The following TSPAN18 variants were observed in gnomAD, a reference collection of about 807,000 sequenced individuals.
TSPAN18 encodes tetraspanin-18.
Under a neutral mutation model 27.3 loss-of-function variants are expected in TSPAN18, and 14 were observed. The observed-to-expected ratio is 0.51, with a 90% confidence interval of 0.34 to 0.80. The LOEUF (loss-of-function observed/expected upper bound fraction) is 0.80, where lower values mean the gene tolerates loss of function less well. Ranked by LOEUF, TSPAN18 falls within the 30% of genes least tolerant of loss-of-function variation. The probability of loss-of-function intolerance (pLI) is 0.01; values close to 1 mark genes in which losing one functional copy is unlikely to be tolerated. For missense variants in TSPAN18, 268 were observed against 323.9 expected (o/e 0.83, Z 1.32); for synonymous variants, 143 against 136.5 (o/e 1.05, Z -0.33).
intron 1 of TSPAN18, among the ~76,000 whole-genome samples, chr11:44,761,570 C>A (rs1388514662): frequency 6.6e-6 from 1 of 152,202 alleles, no homozygotes; most frequent in Non-Finnish European, 1.5e-5. Context: ...AGGCAAAATT[C>A]CACCGAAGAC....
chr11:44,810,684 C>G (rs112632813), intron 2 of TSPAN18, among the ~76,000 whole-genome samples: 14 of 151,142 alleles, frequency 9.3e-5, no homozygotes, highest in African/African-American at 3.2e-4. Context: ...TTATGGCTCA[C>G]TGTAACCTCC....
At chr11:44,841,987 A>T (rs375365221) in intron 2 of TSPAN18, among the ~76,000 whole-genome samples, 17 of 152,376 alleles carry the variant, frequency 1.1e-4, no homozygotes, top group African/African-American at 4.1e-4. Context: ...GGATCTCTAA[A>T]TCTGATCTAG....
At chr11:44,916,736 G>T (rs998734081) in intron 5 of TSPAN18, among the ~76,000 whole-genome samples, 1 of 152,152 alleles carries the variant, frequency 6.6e-6, no homozygotes, top group Non-Finnish European at 1.5e-5. Flanking sequence ...TCGGGGGCAG[G>T]CAGGCAGGCA....
chr11:44,866,213 C>T (rs999413667), intron 3 of TSPAN18, among the ~76,000 whole-genome samples: 8 of 152,250 alleles, frequency 5.3e-5, no homozygotes, highest in African/African-American at 1.9e-4. Context: ...AGCACATCAT[C>T]GGTGCTAAAT....
intron 3 of TSPAN18, among the ~76,000 whole-genome samples, chr11:44,899,903 G>A (rs11038191): frequency 0.074 from 11,227 of 152,234 alleles, 593 homozygotes; most frequent in South Asian, 0.12. Flanking sequence ...TGGCCCCAGG[G>A]AGGGCATCAT....
chr11:44,863,136 G>GGGTTC (rs1170104929), intron 3 of TSPAN18, among the ~76,000 whole-genome samples: 1 of 152,224 alleles, frequency 6.6e-6, no homozygotes, highest in Non-Finnish European at 1.5e-5. Flanking sequence ...AGGCCAGAAG[G>GGGTTC]AGATGTTACT....
chr11:44,738,357 G>A (rs562243666), intron 1 of TSPAN18, among the ~76,000 whole-genome samples: 84 of 152,212 alleles, frequency 5.5e-4, no homozygotes, highest in African/African-American at 1.9e-3. Flanking sequence ...GAGCCCACCT[G>A]GCTGGAGCCC....
At chr11:44,918,416 C>G (rs1177184580) in intron 6 of TSPAN18, among the ~76,000 whole-genome samples, 2 of 152,160 alleles carry the variant, frequency 1.3e-5, no homozygotes, top group South Asian at 2.1e-4. Flanking sequence ...GAGGCCCTGG[C>G]TGGTATCCTC....
chr11:44,790,203 CTGTG>C (rs984228135), intron 2 of TSPAN18, among the ~76,000 whole-genome samples: 4 of 107,852 alleles, frequency 3.7e-5, no homozygotes, highest in African/African-American at 1.3e-4. Flanking sequence ...GTGCATGTGT[CTGTG>C]TGTGCATGTT....
chr11:44,889,208 G>T (rs745619374), intron 3 of TSPAN18, among the ~76,000 whole-genome samples: 32 of 152,224 alleles, frequency 2.1e-4, no homozygotes, highest in Non-Finnish European at 2.2e-4. Context: ...GGTCCTGGGG[G>T]CACCCCCTTA....
intron 2 of TSPAN18, among the ~76,000 whole-genome samples, chr11:44,859,098 C>T (rs918608833): frequency 1.3e-5 from 2 of 151,942 alleles, no homozygotes; most frequent in African/African-American, 2.4e-5. Context: ...GTAAGGAGAT[C>T]CTTAGGCAAA....
At chr11:44,789,936 C>G (rs1249721803) in intron 2 of TSPAN18, among the ~76,000 whole-genome samples, 1 of 152,212 alleles carries the variant, frequency 6.6e-6, no homozygotes, top group Non-Finnish European at 1.5e-5. Flanking sequence ...TTCTCCAATG[C>G]CTGTGCCCCT....
rs147627680 is a variant in TSPAN18, at chr11:44,924,590, T to C, written c.616-2084T>C. On this transcript the variant is annotated intron_variant, in intron 8 of 9. Transcript: ENST00000520358. ...TATGTCCCTGTGGCTGGCAGGCACG[T>C]GGAACACTGAGGGGATGATGGGAGG... Among the ~76,000 whole-genome samples, 261 of 152,248 alleles carry C rather than the reference T, an allele frequency of 1.7e-3. 1 individual carries two copies. The highest frequency in any genetic ancestry group is 6.0e-3 in the African/African-American group (248 of 41,542).
intron 2 of TSPAN18, among the ~76,000 whole-genome samples, chr11:44,795,063 C>T (rs1856317015): frequency 6.6e-6 from 1 of 152,008 alleles, no homozygotes; most frequent in South Asian, 2.1e-4. Context: ...CCATTTCTGC[C>T]ATTGGAACCC....
chr11:44,807,232 AAAAAG>A (rs1169535483), intron 2 of TSPAN18, among the ~76,000 whole-genome samples: 6 of 21,490 alleles, frequency 2.8e-4, no homozygotes, highest in African/African-American at 5.2e-4. Context: ...AAAAAAAAAA[AAAAAG>A]AAGGAAAGAG....
At chr11:44,744,533 C>G (rs764611302) in intron 1 of TSPAN18, among the ~76,000 whole-genome samples, 6 of 152,170 alleles carry the variant, frequency 3.9e-5, no homozygotes, top group Admixed American at 3.9e-4. Flanking sequence ...CAGGACTCAT[C>G]ATGTGACCTT....
intron 2 of TSPAN18, among the ~76,000 whole-genome samples, chr11:44,780,659 C>T (rs1250560027): frequency 6.6e-6 from 1 of 152,190 alleles, no homozygotes; most frequent in Non-Finnish European, 1.5e-5. Context: ...ACCAGACTTC[C>T]AGTCCTGGAA....
intron 2 of TSPAN18, among the ~76,000 whole-genome samples, chr11:44,835,409 T>C (rs770933597): frequency 3.3e-5 from 5 of 152,134 alleles, no homozygotes; most frequent in African/African-American, 4.8e-5. Context: ...ATGTCATACA[T>C]AGTTCTTTGG....
chr11:44,877,085 T>C (rs1234828305), intron 3 of TSPAN18, among the ~76,000 whole-genome samples: 2 of 152,216 alleles, frequency 1.3e-5, no homozygotes, highest in East Asian at 3.9e-4. Flanking sequence ...AAATGCAGCC[T>C]GTGGGAAGGG....
Sources: gnomAD v4.1 joint callset for allele counts (sites outside exome capture counted in the v4.1 genomes callset) on GRCh38, gnomAD v4.1.1 for gene constraint, MANE v1.5 for transcripts, NCBI Gene and HGNC (gene_info 2026-07-23, HGNC 2026-07-21) for gene names.